The following MKLN1 variants were observed in gnomAD, a reference collection of about 807,000 sequenced individuals.
MKLN1 encodes muskelin 1, also known as muskelin.
In MKLN1, 18 loss-of-function variants were observed where a neutral mutation model predicts 99.0. The observed-to-expected ratio is 0.18, with a 90% confidence interval of 0.13 to 0.27. MKLN1 has a LOEUF of 0.27. Ranked by LOEUF, MKLN1 falls within the 10% of genes least tolerant of loss-of-function variation. The probability of loss-of-function intolerance (pLI) is 1.00; values close to 1 mark genes in which losing one functional copy is unlikely to be tolerated. For missense variants in MKLN1, 621 were observed against 875.9 expected (o/e 0.71, Z 3.67); for synonymous variants, 288 against 293.2 (o/e 0.98, Z 0.18).
intron 16 of MKLN1, among the ~76,000 whole-genome samples, chr7:131,474,352 A>G (rs1191135984): frequency 1.3e-5 from 2 of 151,924 alleles, no homozygotes; most frequent in Non-Finnish European, 2.9e-5. Context: ...GTTTGTGGGG[A>G]CTCCTGACTG....
intron 3 of MKLN1, among the ~76,000 whole-genome samples, chr7:131,268,978 A>G (rs1176015828): frequency 6.6e-6 from 1 of 152,224 alleles, no homozygotes; most frequent in African/African-American, 2.4e-5. Flanking sequence ...TTGTTCACAC[A>G]TAGGACTTTC....
chr7:131,428,511 C>T (rs1393944176), intron 8 of MKLN1, among the ~76,000 whole-genome samples: 2 of 152,104 alleles, frequency 1.3e-5, no homozygotes, highest in Non-Finnish European at 2.9e-5. Context: ...GAGAAATTGC[C>T]TTTAATATGA....
At chr7:131,439,260 G>A (rs796549542) in intron 10 of MKLN1, among the ~76,000 whole-genome samples, 6 of 151,842 alleles carry the variant, frequency 4.0e-5, no homozygotes, top group South Asian at 2.1e-4. Context: ...AAATGGTTAC[G>A]TATTTCTTTT....
At position 131,350,872 on chromosome 7, in the gene MKLN1, A is replaced by G. The variant is rs540355379; in HGVS notation, c.98+22875A>G. Among the ~76,000 whole-genome samples the G allele has an allele frequency of 3.3e-5, 5 of 152,340 alleles. No individual in the cohort carries two copies. In the East Asian group the frequency reaches 9.6e-4, roughly 29 times the overall value. On this transcript the variant is annotated intron_variant, in intron 1 of 17. Coordinates refer to ENST00000352689, the MANE Select transcript of MKLN1 (RefSeq NM_013255.5). ...TCAGTGGTGGGGATCATTTGAGGCCATCTTTGAACTGCCCTGCCAGAGACA... is the reference window on the plus strand; with the variant it reads ...TCAGTGGTGGGGATCATTTGAGGCCGTCTTTGAACTGCCCTGCCAGAGACA...
chr7:131,345,520 T>C (rs893950464), intron 1 of MKLN1, among the ~76,000 whole-genome samples: 17 of 152,260 alleles, frequency 1.1e-4, no homozygotes, highest in African/African-American at 3.6e-4. Context: ...AGTTGGAGAA[T>C]AGCTTGGGTA....
intron 3 of MKLN1, among the ~76,000 whole-genome samples, chr7:131,208,638 C>T (rs1005642173): frequency 2.0e-5 from 3 of 152,122 alleles, no homozygotes; most frequent in African/African-American, 7.2e-5. Context: ...TAATATGTTA[C>T]AGATATTACT....
intron 3 of MKLN1, among the ~76,000 whole-genome samples, chr7:131,297,938 T>C (rs1325698504): frequency 2.0e-5 from 3 of 152,220 alleles, no homozygotes; most frequent in African/African-American, 7.2e-5. Flanking sequence ...TTCTTTCTCC[T>C]TCTCTTTCTT....
intron 2 of MKLN1, among the ~76,000 whole-genome samples, chr7:131,162,220 T>G (rs1353767293): frequency 6.6e-6 from 1 of 151,722 alleles, no homozygotes; most frequent in Non-Finnish European, 1.5e-5. Flanking sequence ...GCCCGGCTAA[T>G]TTTTGTATTT....
chr7:131,209,813 G>A (rs1257821504), intron 3 of MKLN1, among the ~76,000 whole-genome samples: 1 of 152,170 alleles, frequency 6.6e-6, no homozygotes, highest in African/African-American at 2.4e-5. Context: ...TAAGCCCTAA[G>A]TGAAAGCCTC....
intron 2 of MKLN1, among the ~76,000 whole-genome samples, chr7:131,171,478 A>T (rs527490470): frequency 2.0e-5 from 3 of 148,592 alleles, no homozygotes; most frequent in East Asian, 3.9e-4. Flanking sequence ...TTTTTTTGGG[A>T]TCGTGTTTCG....
chr7:131,466,224 A>G (rs1796657530), intron 14 of MKLN1, 52 bp from the exon 15 acceptor site: 2 of 1,405,536 alleles, frequency 1.4e-6, no homozygotes, highest in Non-Finnish European at 1.9e-6. Flanking sequence ...CTACTAGAAT[A>G]TCTTGGGTAT....
chr7:131,173,071 T>C (rs187648566), intron 2 of MKLN1, among the ~76,000 whole-genome samples: 30 of 152,288 alleles, frequency 2.0e-4, no homozygotes, highest in Admixed American at 3.9e-4. Flanking sequence ...CAAAAATCAA[T>C]ATTTTCTTTA....
intron 12 of MKLN1, among the ~76,000 whole-genome samples, chr7:131,452,782 C>T (rs1796222065): frequency 2.0e-5 from 3 of 152,016 alleles, no homozygotes; most frequent in South Asian, 4.1e-4. Flanking sequence ...ATCTCTTGAC[C>T]TTGTGATCCG....
chr7:131,117,185 A>C (rs1358387133), intron 1 of MKLN1, among the ~76,000 whole-genome samples: 1 of 152,078 alleles, frequency 6.6e-6, no homozygotes, highest in Non-Finnish European at 1.5e-5. Flanking sequence ...TAATCCCAGC[A>C]CTTTGGGAGG....
chr7:131,489,903 G>A lies in MKLN1; in HGVS notation c.*2175G>A, dbSNP rs1032654242. The stretch of plus-strand genomic sequence containing the variant: ...TCATTTCTGAAATTTTTTGCTCACC[G>A]CCATGTTTAAATGGGGTTGAATCAT... On this transcript the variant is annotated 3_prime_UTR_variant, in exon 18 of 18. Transcript: ENST00000352689. 3.3e-5 allele frequency: 5 copies of A among 151,948 alleles called. No individual in the cohort carries two copies. The highest frequency in any genetic ancestry group is 9.7e-5 in the African/African-American group (4 of 41,394). The allele number at this position is 151,948 out of a possible 1,614,324, so 9.4% of individuals were successfully genotyped here. A position where few individuals can be genotyped will look rare whatever the true frequency, so the allele number is the denominator to read the frequency against.
At chr7:131,396,325 G>A (rs1457105598) in intron 4 of MKLN1, among the ~76,000 whole-genome samples, 5 of 152,002 alleles carry the variant, frequency 3.3e-5, no homozygotes, top group East Asian at 1.9e-4. Flanking sequence ...CTCTTGCCAC[G>A]GCCTCCCAAA....
intron 3 of MKLN1, among the ~76,000 whole-genome samples, chr7:131,241,812 A>G (rs987111514): frequency 6.6e-6 from 1 of 152,190 alleles, no homozygotes; most frequent in East Asian, 1.9e-4. Flanking sequence ...TATTGTTTCC[A>G]TTTCTTTGAT....
intron 3 of MKLN1, among the ~76,000 whole-genome samples, chr7:131,226,977 T>C (rs1797157109): frequency 6.6e-6 from 1 of 152,234 alleles, no homozygotes; most frequent in South Asian, 2.1e-4. Context: ...AAGGATTTGA[T>C]TGGATCTTTG....
At chr7:131,381,126 T>C (rs1793834692) in intron 2 of MKLN1, among the ~76,000 whole-genome samples, 1 of 152,216 alleles carries the variant, frequency 6.6e-6, no homozygotes, top group Non-Finnish European at 1.5e-5. Context: ...AATGAGTTTA[T>C]CTAACACATG....
Sources: allele counts gnomAD v4.1 joint callset (sites outside exome capture counted in the v4.1 genomes callset), GRCh38; gene constraint gnomAD v4.1.1; transcripts MANE v1.5; gene names NCBI Gene and HGNC (gene_info 2026-07-23, HGNC 2026-07-21).